ZCCHC7: variants seen among roughly 807,000 people sequenced by gnomAD.
ZCCHC7 encodes the protein zinc finger CCHC-type containing 7, also known as zinc finger CCHC domain-containing protein 7.
Under a neutral mutation model 52.0 loss-of-function variants are expected in ZCCHC7, and 35 were observed. The observed-to-expected ratio is 0.67, with a 90% confidence interval of 0.51 to 0.89. The LOEUF (loss-of-function observed/expected upper bound fraction) is 0.89, where lower values mean the gene tolerates loss of function less well. Ranked by LOEUF, ZCCHC7 falls within the 40% of genes least tolerant of loss-of-function variation. ZCCHC7 has a pLI of 0.00. For synonymous variants in ZCCHC7, 217 were observed against 221.5 expected, an observed-to-expected ratio of 0.98 and a Z score of 0.18; for missense variants, 574 against 649.1, an observed-to-expected ratio of 0.88 and a Z score of 1.26.
intron 2 of ZCCHC7, among the ~76,000 whole-genome samples, chr9:37,143,439 T>G (rs1004925163): frequency 1.3e-5 from 2 of 151,752 alleles, no homozygotes; most frequent in East Asian, 1.9e-4. Flanking sequence ...GATTTGTTTG[T>G]GAAATATTTT....
chr9:37,212,342 T>C (rs1824286186), intron 2 of ZCCHC7, among the ~76,000 whole-genome samples: 1 of 152,162 alleles, frequency 6.6e-6, no homozygotes. Context: ...AATATTTTAA[T>C]TTGTTTGTAC....
At chr9:37,303,716 T>C (rs1273324718) in intron 3 of ZCCHC7, among the ~76,000 whole-genome samples, 1 of 131,154 alleles carries the variant, frequency 7.6e-6, no homozygotes, top group African/African-American at 3.0e-5. Context: ...CAGGCTGGAG[T>C]ACAATGGCAC....
intron 2 of ZCCHC7, among the ~76,000 whole-genome samples, chr9:37,301,304 A>G (rs945444819): frequency 3.3e-5 from 5 of 152,158 alleles, no homozygotes; most frequent in Non-Finnish European, 5.9e-5. Flanking sequence ...AGGGTTATAG[A>G]AGTAAGGGGT....
chr9:37,128,895 C>T (rs1173103002), intron 2 of ZCCHC7, among the ~76,000 whole-genome samples: 1 of 152,118 alleles, frequency 6.6e-6, no homozygotes, highest in Non-Finnish European at 1.5e-5. Flanking sequence ...CTATAGAAGG[C>T]CAAAATAAGC....
chr9:37,163,385 C>CAAAAAAAAA (rs1022187626), intron 2 of ZCCHC7, among the ~76,000 whole-genome samples: 2 of 77,154 alleles, frequency 2.6e-5, no homozygotes, highest in African/African-American at 4.4e-5. Flanking sequence ...GACTCCATCT[C>CAAAAAAAAA]AAAAAAAAAA....
chr9:37,290,845 C>T (rs1003092565), intron 2 of ZCCHC7, among the ~76,000 whole-genome samples: 2 of 152,140 alleles, frequency 1.3e-5, no homozygotes, highest in Non-Finnish European at 2.9e-5. Flanking sequence ...AAAAACTATA[C>T]TGTTTCATCA....
intron 2 of ZCCHC7, among the ~76,000 whole-genome samples, chr9:37,135,535 A>G (rs1236519997): frequency 6.6e-6 from 1 of 152,214 alleles, no homozygotes; most frequent in African/African-American, 2.4e-5. Context: ...TTTTGTGTCA[A>G]TGTAGAGCTC....
intron 2 of ZCCHC7, among the ~76,000 whole-genome samples, chr9:37,231,691 A>G (rs1825416233): frequency 6.6e-6 from 1 of 152,090 alleles, no homozygotes; most frequent in Admixed American, 6.5e-5. Context: ...AAAGCTTCCT[A>G]TCACAATGGT....
chr9:37,286,510 TA>T (rs1457812099), intron 2 of ZCCHC7, among the ~76,000 whole-genome samples: 1 of 151,760 alleles, frequency 6.6e-6, no homozygotes, highest in African/African-American at 2.4e-5. Context: ...ACACAAAAAT[TA>T]GCTAGGTGTG....
At chr9:37,311,833 G>A (rs768809586) in intron 5 of ZCCHC7, among the ~76,000 whole-genome samples, 8 of 152,150 alleles carry the variant, frequency 5.3e-5, no homozygotes, top group Non-Finnish European at 1.0e-4. Context: ...TAACATACAC[G>A]TGAGTGCTCA....
chr9:37,342,182 T>C (rs867882864), intron 6 of ZCCHC7, among the ~76,000 whole-genome samples: 45 of 152,248 alleles, frequency 3.0e-4, no homozygotes, highest in Non-Finnish European at 5.6e-4. Context: ...TGGATGTATT[T>C]GCAGAGCCAA....
At chr9:37,144,602 A>G (rs1843356670) in intron 2 of ZCCHC7, among the ~76,000 whole-genome samples, 1 of 151,938 alleles carries the variant, frequency 6.6e-6, no homozygotes, top group Admixed American at 6.6e-5. Flanking sequence ...TGATTTAGAT[A>G]ATATTCTTAT....
chr9:37,130,611 G>T (rs1392803711), intron 2 of ZCCHC7, among the ~76,000 whole-genome samples: 1 of 150,878 alleles, frequency 6.6e-6, no homozygotes, highest in Non-Finnish European at 1.5e-5. Context: ...TCCTGCCTCA[G>T]CCTCCCAAGT....
chr9:37,357,349 T>G lies in ZCCHC7; in HGVS notation c.*81T>G. The G allele has an allele frequency of 7.5e-7, 1 of 1,333,222 alleles. No individual in the cohort carries two copies. Among genetic ancestry groups the G allele is most frequent in the Non-Finnish European group, 1.0e-6 (1 of 992,236 alleles). The allele number at this position is 1,333,222 out of a possible 1,614,324, so 82.6% of individuals were successfully genotyped here. ...TAACCTTCTGGCACTGTGTTTATTA[T>G]CTATGATTAAATAAAGTGAGTTTTT... On this transcript the variant is annotated 3_prime_UTR_variant, in exon 9 of 9. Coordinates refer to ENST00000336755, the MANE Select transcript of ZCCHC7 (RefSeq NM_032226.3).
chr9:37,166,248 T>C (rs1385211144), intron 2 of ZCCHC7, among the ~76,000 whole-genome samples: 1 of 151,948 alleles, frequency 6.6e-6, no homozygotes, highest in Non-Finnish European at 1.5e-5. Flanking sequence ...TACAAAAAAT[T>C]AGCCAGGCAG....
chr9:37,213,678 C>T (rs992784816), intron 2 of ZCCHC7, among the ~76,000 whole-genome samples: 2 of 152,216 alleles, frequency 1.3e-5, no homozygotes, highest in East Asian at 1.9e-4. Context: ...AATTCTAATC[C>T]TACTTGTGCT....
At chr9:37,292,767 T>C (rs988747511) in intron 2 of ZCCHC7, among the ~76,000 whole-genome samples, 1 of 151,808 alleles carries the variant, frequency 6.6e-6, no homozygotes. Context: ...ATTTTTAGAG[T>C]TTTTAAAAAC....
intron 2 of ZCCHC7, among the ~76,000 whole-genome samples, chr9:37,267,927 A>G (rs1237374146): frequency 6.6e-6 from 1 of 150,766 alleles, no homozygotes; most frequent in African/African-American, 2.4e-5. Context: ...CTGGTCTTGA[A>G]CTCCTGGGCT....
chr9:37,246,143 G>A (rs1490458305), intron 2 of ZCCHC7, among the ~76,000 whole-genome samples: 3 of 152,102 alleles, frequency 2.0e-5, no homozygotes, highest in African/African-American at 7.2e-5. Context: ...TAAAATAGAT[G>A]AGAGGTCATG....
Sources: allele counts gnomAD v4.1 joint callset (sites outside exome capture counted in the v4.1 genomes callset), GRCh38; gene constraint gnomAD v4.1.1; transcripts MANE v1.5; gene names NCBI Gene and HGNC (gene_info 2026-07-23, HGNC 2026-07-21).